The following BLTP2 variants were observed in gnomAD, a reference collection of about 807,000 sequenced individuals.
BLTP2 encodes U937-associated antigen.
chr17:28,618,905 C>G, the BLTP2 span: 1 of 1,614,218 alleles, frequency 6.2e-7, no homozygotes, highest in East Asian at 2.2e-5. Flanking sequence ...GGACCACACT[C>G]ACATCTTCTT....
chr17:28,624,507 C>T, the BLTP2 span: 1 of 834,804 alleles, frequency 1.2e-6, no homozygotes, highest in African/African-American at 1.7e-5. Flanking sequence ...GCTTAGAATA[C>T]ATCCTCCCAA....
chr17:28,616,090 G>A, the BLTP2 span: 6 of 1,608,458 alleles, frequency 3.7e-6, no homozygotes, highest in African/African-American at 1.3e-5. The surrounding 1 kb of genome is among the most constrained non-coding windows in gnomAD (Gnocchi z 4.8). Context: ...CTTGAGAGGT[G>A]CAGACCTTGT....
chr17:28,632,891 T>C, the BLTP2 span: 28 of 1,369,248 alleles, frequency 2.0e-5, no homozygotes, highest in Non-Finnish European at 2.6e-5. Flanking sequence ...CCAGCATCCA[T>C]GCCCGTCCTC....
the BLTP2 span, chr17:28,615,261 A>G: frequency 6.3e-7 from 1 of 1,580,240 alleles, no homozygotes; most frequent in Admixed American, 1.9e-5. Context: ...CAGATTGGAG[A>G]GGAGTAAAAG....
the BLTP2 span, chr17:28,638,656 A>G: frequency 6.9e-7 from 1 of 1,458,228 alleles, no homozygotes; most frequent in Admixed American, 1.8e-5. Flanking sequence ...CATAGGAACA[A>G]GACATCATTG....
the BLTP2 span, chr17:28,621,124 C>G: frequency 3.1e-6 from 5 of 1,614,146 alleles, no homozygotes; most frequent in Non-Finnish European, 4.2e-6. Flanking sequence ...GCGAAATGAT[C>G]CGCTGGACTT....
chr17:28,616,778 G>C, the BLTP2 span: 86 of 1,613,754 alleles, frequency 5.3e-5, no homozygotes, highest in Middle Eastern at 6.6e-4. The surrounding 1 kb of genome is among the most constrained non-coding windows in gnomAD (Gnocchi z 4.8). Context: ...GATTCAAGAA[G>C]CAATTAAGCT....
At chr17:28,628,214 A>C in the BLTP2 span, 1 of 1,499,102 alleles carries the variant, frequency 6.7e-7, no homozygotes. Flanking sequence ...GTCCAAGCCC[A>C]TATCCATGTT....
At chr17:28,618,824 A>C in the BLTP2 span, 15 of 1,614,058 alleles carry the variant, frequency 9.3e-6, no homozygotes, top group Non-Finnish European at 1.3e-5. Context: ...GTTCTAATTC[A>C]GCAATTCCCA....
chr17:28,633,063 AG>A, the BLTP2 span: 1 of 1,593,666 alleles, frequency 6.3e-7, no homozygotes, highest in Non-Finnish European at 8.5e-7. Context: ...GGGCCCGCAG[AG>A]TGACACTATG....
the BLTP2 span, chr17:28,621,028 A>C: frequency 1.2e-6 from 2 of 1,614,214 alleles, no homozygotes; most frequent in South Asian, 1.1e-5. Context: ...CCTGGTTCTC[A>C]AGAACTTCAG....
the BLTP2 span, chr17:28,645,012 C>G: frequency 6.3e-7 from 1 of 1,597,058 alleles, no homozygotes; most frequent in Admixed American, 1.7e-5. Context: ...GGGCGCTAAG[C>G]GCAACTAGCA....
the BLTP2 span, chr17:28,638,169 C>T: frequency 6.3e-7 from 1 of 1,592,416 alleles, no homozygotes; most frequent in Non-Finnish European, 8.6e-7. Context: ...GCACTTCCTG[C>T]TGCATTAGGA....
the BLTP2 span, chr17:28,645,046 A>T: frequency 1.4e-5 from 23 of 1,601,046 alleles, no homozygotes; most frequent in Non-Finnish European, 1.8e-5. Flanking sequence ...CGCGGAGAAG[A>T]ACAGAGGCAT....
At chr17:28,644,938 C>T in the BLTP2 span, 1 of 1,477,366 alleles carries the variant, frequency 6.8e-7, no homozygotes, top group Non-Finnish European at 9.3e-7. Flanking sequence ...TCCTCTCCGC[C>T]CCCTCCCTCC....
chr17:28,616,154 A>C, the BLTP2 span: 10 of 1,614,224 alleles, frequency 6.2e-6, no homozygotes, highest in Non-Finnish European at 8.5e-6. The surrounding 1 kb of genome is among the most constrained non-coding windows in gnomAD (Gnocchi z 4.8). Flanking sequence ...GGAGTTGTTC[A>C]TGGCAGCTCG....
the BLTP2 span, chr17:28,619,877 T>G: frequency 6.2e-7 from 1 of 1,613,984 alleles, no homozygotes; most frequent in Non-Finnish European, 8.5e-7. Context: ...ATAGAATACA[T>G]CTGCTTCTCC....
At chr17:28,634,238 T>C in the BLTP2 span, 2 of 740,536 alleles carry the variant, frequency 2.7e-6, no homozygotes, top group South Asian at 3.6e-5. Context: ...AGCTGAAAAA[T>C]GACAGTGACC....
At chr17:28,620,660 G>T in the BLTP2 span, 15 of 1,610,152 alleles carry the variant, frequency 9.3e-6, no homozygotes, top group Non-Finnish European at 8.5e-7. Flanking sequence ...TAAATAAAAG[G>T]CTCAAGTTTC....
Sources: gnomAD v4.1 joint callset for allele counts on GRCh38, gnomAD v4.1.1 for gene constraint, Gnocchi (gnomAD v3.1) non-coding constraint, MANE v1.5 for transcripts, NCBI Gene and HGNC (gene_info 2026-07-23, HGNC 2026-07-21) for gene names.